AFAP1L1: variants seen among roughly 807,000 people sequenced by gnomAD.
AFAP1L1 encodes actin filament-associated protein 1-like 1.
AFAP1L1 carries 77 observed loss-of-function variants against 99.8 expected under a neutral mutation model. The observed-to-expected ratio is 0.77, with a 90% CI of 0.64 to 0.93. The LOEUF (loss-of-function observed/expected upper bound fraction) is 0.93, where lower values mean the gene tolerates loss of function less well. Among genes scored for constraint, AFAP1L1 ranks in the 40% least tolerant of loss-of-function variants. The pLI, the probability that AFAP1L1 is intolerant of heterozygous loss-of-function variation, is 0.00. For missense variants in AFAP1L1, 893 were observed against 996.8 expected (o/e 0.90, Z 1.40); for synonymous variants, 373 against 395.3 (o/e 0.94, Z 0.67).
chr5:149,292,990 C>T (rs1486304151), intron 1 of AFAP1L1, among the ~76,000 whole-genome samples: 1 of 152,216 alleles, frequency 6.6e-6, no homozygotes, highest in South Asian at 2.1e-4. Context: ...AGGGGCTTCG[C>T]CAGCTCCTTG....
At chr5:149,306,773 G>A (rs1756427404) in intron 6 of AFAP1L1, among the ~76,000 whole-genome samples, 1 of 152,206 alleles carries the variant, frequency 6.6e-6, no homozygotes. Flanking sequence ...TAAATTTATT[G>A]AGCATTTATT....
At chr5:149,337,454 G>C (rs1757437304) in intron 18 of AFAP1L1, among the ~76,000 whole-genome samples, 2 of 152,280 alleles carry the variant, frequency 1.3e-5, no homozygotes, top group South Asian at 2.1e-4. Flanking sequence ...TTAAAGTAGT[G>C]GAAAACTCCA....
intron 5 of AFAP1L1, 41 bp downstream of exon 5, chr5:149,302,567 C>G: frequency 6.7e-7 from 1 of 1,502,988 alleles, no homozygotes; most frequent in African/African-American, 1.4e-5. Flanking sequence ...GACTTCCTGT[C>G]CCTGAGAAGC....
intron 1 of AFAP1L1, among the ~76,000 whole-genome samples, chr5:149,286,071 G>T (rs1755670086): frequency 6.6e-6 from 1 of 152,170 alleles, no homozygotes; most frequent in South Asian, 2.1e-4. Context: ...CAGGAAGGCT[G>T]GATCAGCCTC....
At position 149,308,581 on chromosome 5, in the gene AFAP1L1, C is replaced by A. The variant is rs547961837; in HGVS notation, c.747+968C>A. Among the ~76,000 whole-genome samples the A allele has an allele frequency of 7.2e-5, 11 of 152,254 alleles. No homozygotes were observed. In the South Asian group the frequency reaches 2.1e-3, roughly 29 times the overall value. On this transcript the variant is annotated intron_variant, in intron 7 of 18. Coordinates refer to ENST00000296721, the MANE Select transcript of AFAP1L1 (RefSeq NM_152406.4). ...TTCAGAAAAAGAATAGCTTCTCTCCCCAGAAATCTGTTGACAAGCCTTGCC... is the reference window on the plus strand; with the variant it reads ...TTCAGAAAAAGAATAGCTTCTCTCCACAGAAATCTGTTGACAAGCCTTGCC...
At chr5:149,332,425 G>T (rs1363719487) in intron 16 of AFAP1L1, among the ~76,000 whole-genome samples, 1 of 152,160 alleles carries the variant, frequency 6.6e-6, no homozygotes, top group Non-Finnish European at 1.5e-5. Context: ...AGAGGGGGAA[G>T]GTGGTTTCCC....
chr5:149,306,191 A>C, intron 5 of AFAP1L1, 115 bp from the exon 6 acceptor site: 1 of 797,110 alleles, frequency 1.3e-6, no homozygotes, highest in Admixed American at 2.5e-5. Context: ...AGCTGCTCAG[A>C]GTGCCTGCTG....
At chr5:149,339,891 C>A in intron 18 of AFAP1L1, 116 bp from the exon 19 acceptor site, 1 of 1,086,688 alleles carries the variant, frequency 9.2e-7, no homozygotes, top group Non-Finnish European at 1.4e-6. Flanking sequence ...GGGGTTAGAA[C>A]CCAACGCAAC....
rs1468061386 is a variant in AFAP1L1 at position 149,343,408 on chromosome 5, C to T, written c.*3378C>T. ...TGGACCCCAGTCACCAATCCATCCT[C>T]TCAGTCTGTCAGCTTTCCATCCTAA... On this transcript the variant is annotated 3_prime_UTR_variant, in exon 19 of 19. Coordinates refer to ENST00000296721, the MANE Select transcript of AFAP1L1 (RefSeq NM_152406.4). Among the ~76,000 whole-genome samples, 1 of 152,112 alleles carries T rather than the reference C, an allele frequency of 6.6e-6. No homozygotes were observed. The highest frequency in any genetic ancestry group is 1.5e-5 in the Non-Finnish European group (1 of 68,026).
At chr5:149,315,547 A>C (rs1168791783) in intron 9 of AFAP1L1, 1 of 406,756 alleles carries the variant, frequency 2.5e-6, no homozygotes, top group East Asian at 5.1e-5. Flanking sequence ...TGCCAAATAC[A>C]GTCCAAATTC....
chr5:149,287,517 A>G (rs1333345001), intron 1 of AFAP1L1, among the ~76,000 whole-genome samples: 1 of 152,156 alleles, frequency 6.6e-6, no homozygotes, highest in Non-Finnish European at 1.5e-5. Context: ...ATGGGCCTAT[A>G]ATGAGAGTAT....
At chr5:149,304,919 G>C (rs1360118261) in intron 5 of AFAP1L1, among the ~76,000 whole-genome samples, 1 of 151,602 alleles carries the variant, frequency 6.6e-6, no homozygotes, top group East Asian at 2.0e-4. Flanking sequence ...GAAGAGCAGT[G>C]TGCTGTGAGA....
rs371295823 is a variant in AFAP1L1 at position 149,302,504 on chromosome 5, G to T, written c.414G>T (p.Ser138=). The T allele has an allele frequency of 1.9e-6, 3 of 1,586,854 alleles. No homozygotes were observed. The highest frequency in any genetic ancestry group is 1.7e-4 in the Middle Eastern group (1 of 6,026). Residue 138 remains serine, a synonymous_variant, in exon 5 of 19, where the codon TCG becomes TCT. Transcript: ENST00000296721. ...CCCTTCCTCTGGGACCCGGCAAGTC[G>T]CCTGAGTACATCAGCTCCCACAGTA... ...EEALPLGPGK[S]PEYISSHNGC...
intron 17 of AFAP1L1, among the ~76,000 whole-genome samples, chr5:149,334,996 C>T (rs922004542): frequency 6.6e-6 from 1 of 152,166 alleles, no homozygotes; most frequent in Non-Finnish European, 1.5e-5. Context: ...CCCATTTCCT[C>T]ACCTATAAAA....
chr5:149,312,954 C>T (rs752488262), intron 9 of AFAP1L1, among the ~76,000 whole-genome samples: 5 of 151,504 alleles, frequency 3.3e-5, no homozygotes, highest in African/African-American at 1.2e-4. Flanking sequence ...TGGAGAAACC[C>T]CATCTCTATT....
At chr5:149,335,459 G>A (rs1418630686) in intron 17 of AFAP1L1, 135 bp from the exon 18 acceptor site, 61 of 1,223,882 alleles carry the variant, frequency 5.0e-5, no homozygotes, top group Non-Finnish European at 5.9e-5. Context: ...CTGCGCTCCC[G>A]CCTGGGTGAC....
chr5:149,311,788 G>A (rs1437710752), intron 8 of AFAP1L1, among the ~76,000 whole-genome samples: 2 of 152,228 alleles, frequency 1.3e-5, no homozygotes, highest in African/African-American at 2.4e-5. Context: ...AAGGAGGGAA[G>A]CAGAGGACTA....
intron 5 of AFAP1L1, 23 bp from the exon 6 acceptor site, chr5:149,306,283 C>T: frequency 6.2e-7 from 1 of 1,600,744 alleles, no homozygotes; most frequent in Middle Eastern, 1.7e-4. Flanking sequence ...CTCCAAAGTG[C>T]AGCTCTTTCT....
intron 17 of AFAP1L1, 109 bp downstream of exon 17, chr5:149,332,982 CAG>C (rs1307742863): frequency 2.2e-6 from 3 of 1,376,446 alleles, no homozygotes; most frequent in Non-Finnish European, 2.9e-6. Flanking sequence ...TGCCCACTTA[CAG>C]ACAAGAAAAC....
Sources: allele counts gnomAD v4.1 joint callset (sites outside exome capture counted in the v4.1 genomes callset), GRCh38; gene constraint gnomAD v4.1.1; transcripts MANE v1.5; gene names NCBI Gene and HGNC (gene_info 2026-07-23, HGNC 2026-07-21).